Variants in PCDH15 observed in about 807,000 individuals in gnomAD.
PCDH15 encodes the protein protocadherin-15.
PCDH15 carries 129 observed loss-of-function variants against 178.5 expected under a neutral mutation model. The ratio of observed to expected loss-of-function variants is 0.72; its 90% CI spans 0.63 to 0.84. The LOEUF (loss-of-function observed/expected upper bound fraction) is 0.84, where lower values mean the gene tolerates loss of function less well. Among genes scored for constraint, PCDH15 ranks in the 40% least tolerant of loss-of-function variants. The pLI is 0.00. For missense variants in PCDH15, 2,230 were observed against 2,099.9 expected (o/e 1.06, Z -1.21); for synonymous variants, 800 against 732.0 (o/e 1.09, Z -1.50).
chr10:54,560,737 G>A (rs930936239), intron 2 of PCDH15, among the ~76,000 whole-genome samples: 1 of 151,814 alleles, frequency 6.6e-6, no homozygotes, highest in Non-Finnish European at 1.5e-5. Flanking sequence ...TCTAATTTAT[G>A]GGTAGAAAGA....
At chr10:54,336,059 T>C (rs1941047626) in intron 6 of PCDH15, among the ~76,000 whole-genome samples, 1 of 152,152 alleles carries the variant, frequency 6.6e-6, no homozygotes, top group Non-Finnish European at 1.5e-5. Context: ...ACTGGTGGCA[T>C]TTTGTCCCTG....
At position 55,626,152 on chromosome 10, in the gene PCDH15, AG is replaced by A. The variant is rs201344216; in HGVS notation, c.-156+1472del. Among the ~76,000 whole-genome samples, 530 of 151,666 alleles carry A rather than the reference AG, an allele frequency of 3.5e-3. 3 individuals are homozygous for A. The highest frequency in any genetic ancestry group is 0.012 in the African/African-American group (508 of 41,078). On this transcript the variant is annotated intron_variant, in intron 2 of 5. Transcript: ENST00000613346. The stretch of plus-strand genomic sequence containing the variant: ...AGAAGCAAGAGAGAGAGAAAGAGAG[AG>A]AGAGAGAATAAATAAATAAATAAAT...
At chr10:55,225,009 C>T (rs1437663536) in intron 1 of PCDH15, among the ~76,000 whole-genome samples, 2 of 152,086 alleles carry the variant, frequency 1.3e-5, no homozygotes, top group Non-Finnish European at 2.9e-5. Flanking sequence ...CTTCTTTAGA[C>T]ATCTTCTTAA....
At chr10:54,675,650 G>A (rs1211856484) in intron 1 of PCDH15, among the ~76,000 whole-genome samples, 1 of 151,892 alleles carries the variant, frequency 6.6e-6, no homozygotes, top group Non-Finnish European at 1.5e-5. Flanking sequence ...CCCAAGTATA[G>A]GTCAAATATT....
intron 8 of PCDH15, among the ~76,000 whole-genome samples, chr10:54,310,562 A>G (rs1377727481): frequency 6.6e-6 from 1 of 152,046 alleles, no homozygotes; most frequent in Non-Finnish European, 1.5e-5. Context: ...AATTGGATAG[A>G]AAGAATAATG....
chr10:54,719,649 C>T (rs1287416311), intron 1 of PCDH15, among the ~76,000 whole-genome samples: 4 of 152,032 alleles, frequency 2.6e-5, no homozygotes, highest in African/African-American at 9.7e-5. Context: ...CATGCATTAG[C>T]TATTTGTCCT....
intron 11 of PCDH15, among the ~76,000 whole-genome samples, chr10:54,191,952 A>G (rs2049041254): frequency 6.8e-6 from 1 of 147,172 alleles, no homozygotes; most frequent in Non-Finnish European, 1.5e-5. Context: ...GAAAAAAAAG[A>G]AAAGAAAGAA....
At chr10:54,216,432 G>C (rs1267120916) in intron 9 of PCDH15, among the ~76,000 whole-genome samples, 1 of 152,206 alleles carries the variant, frequency 6.6e-6, no homozygotes, top group Non-Finnish European at 1.5e-5. Flanking sequence ...ACTCCAGCCT[G>C]TGCGACAGAG....
At chr10:54,816,668 T>C (rs1011483714) in intron 3 of PCDH15, among the ~76,000 whole-genome samples, 1 of 152,100 alleles carries the variant, frequency 6.6e-6, no homozygotes, top group African/African-American at 2.4e-5. Flanking sequence ...CCAAAATTAA[T>C]GTTAAATAAA....
intron 3 of PCDH15, among the ~76,000 whole-genome samples, chr10:54,392,191 A>G (rs1950615547): frequency 6.6e-6 from 1 of 152,116 alleles, no homozygotes; most frequent in African/African-American, 2.4e-5. Flanking sequence ...TTGGCCGGGC[A>G]TGGCGGCTTA....
chr10:55,288,067 T>C (rs1842916219), intron 1 of PCDH15, among the ~76,000 whole-genome samples: 1 of 150,170 alleles, frequency 6.7e-6, no homozygotes, highest in East Asian at 1.9e-4. Flanking sequence ...ATACTTAATA[T>C]ATATATATTA....
intron 3 of PCDH15, among the ~76,000 whole-genome samples, chr10:54,494,622 A>G (rs1037092677): frequency 2.0e-5 from 3 of 152,104 alleles, no homozygotes; most frequent in Admixed American, 6.6e-5. Context: ...CATGCCACAT[A>G]TAACCTTACC....
chr10:55,327,825 GT>G (rs1268362547), intron 2 of PCDH15, among the ~76,000 whole-genome samples: 2 of 151,854 alleles, frequency 1.3e-5, no homozygotes, highest in African/African-American at 2.4e-5. Context: ...AAATGTGTTT[GT>G]TTTTTTGTTT....
chr10:54,858,221 T>A (rs1447990508), intron 3 of PCDH15, among the ~76,000 whole-genome samples: 1 of 151,730 alleles, frequency 6.6e-6, no homozygotes, highest in Non-Finnish European at 1.5e-5. Flanking sequence ...GGTTCATTCA[T>A]TTTTTTGTAA....
At chr10:55,356,789 T>TA (rs1845091355) in intron 2 of PCDH15, among the ~76,000 whole-genome samples, 1 of 151,972 alleles carries the variant, frequency 6.6e-6, no homozygotes, top group Non-Finnish European at 1.5e-5. Context: ...GACAGACAAA[T>TA]AAGTAACATT....
chr10:54,611,180 T>C (rs1216453649), intron 2 of PCDH15, among the ~76,000 whole-genome samples: 1 of 151,864 alleles, frequency 6.6e-6, no homozygotes, highest in Non-Finnish European at 1.5e-5. Context: ...CTATGCTAAC[T>C]CCCATTTTCT....
chr10:54,802,001 C>T (rs542299482), upstream of PCDH15, among the ~76,000 whole-genome samples: 2 of 152,242 alleles, frequency 1.3e-5, no homozygotes, highest in South Asian at 4.1e-4. Context: ...TTAAATTTCA[C>T]CCATGTGTTC....
At chr10:54,415,908 C>A (rs951423071) in intron 3 of PCDH15, among the ~76,000 whole-genome samples, 1 of 152,012 alleles carries the variant, frequency 6.6e-6, no homozygotes, top group East Asian at 1.9e-4. Context: ...CCAATGACAA[C>A]TGAAAATATA....
chr10:55,061,720 T>C (rs1340914988), intron 2 of PCDH15, among the ~76,000 whole-genome samples: 1 of 152,190 alleles, frequency 6.6e-6, no homozygotes, highest in Non-Finnish European at 1.5e-5. Flanking sequence ...CTCAGGGCAC[T>C]AAAATGAAAT....
Sources: allele counts gnomAD v4.1 joint callset (sites outside exome capture counted in the v4.1 genomes callset), GRCh38; gene constraint gnomAD v4.1.1; transcripts MANE v1.5; gene names NCBI Gene and HGNC (gene_info 2026-07-23, HGNC 2026-07-21).